The following PCDHGA9 variants were observed in gnomAD, a reference collection of about 807,000 sequenced individuals.
PCDHGA9 encodes the protein protocadherin gamma subfamily A, 9, also known as protocadherin gamma-A9.
PCDHGA9 carries 37 observed loss-of-function variants against 62.5 expected under a neutral mutation model. That is an observed-to-expected ratio of 0.59 (90% confidence interval 0.46 to 0.78). The LOEUF (loss-of-function observed/expected upper bound fraction) is 0.78. Among genes scored for constraint, PCDHGA9 ranks in the 30% least tolerant of loss-of-function variants. The pLI is 0.00. For missense variants in PCDHGA9, 1,138 were observed against 1,166.2 expected, an observed-to-expected ratio of 0.98 and a Z score of 0.35; for synonymous variants, 459 against 484.6, an observed-to-expected ratio of 0.95 and a Z score of 0.69.
At position 141,477,418 on chromosome 5, in the gene PCDHGA9, C is replaced by G. The variant is rs759728291; in HGVS notation, c.2425-17389C>G. ...GCATCACCGCCCGAGACGCCGGAAC[C>G]CCTTCCCTCTCAGCCCTTACAATAG... On this transcript the variant is annotated intron_variant, in intron 1 of 3. Transcript: ENST00000573521. This position sits in a 1 kb window ranked among gnomAD's most constrained non-coding sequence, Gnocchi z 4.9. 2 of 1,614,166 alleles carry G rather than the reference C, an allele frequency of 1.2e-6. No homozygotes were observed. Among genetic ancestry groups the G allele is most frequent in the Non-Finnish European group, 1.7e-6 (2 of 1,180,030 alleles).
chr5:141,468,952 G>GA (rs2099186671), intron 1 of PCDHGA9, among the ~76,000 whole-genome samples: 1 of 151,198 alleles, frequency 6.6e-6, no homozygotes. Context: ...TAAACCTGTG[G>GA]TTTTTTTTAC....
chr5:141,420,438 GC>G, intron 1 of PCDHGA9: 1 of 1,107,996 alleles, frequency 9.0e-7, no homozygotes, highest in Non-Finnish European at 1.2e-6. Flanking sequence ...TAAATTAAAT[GC>G]CTCAGTCTTC....
In PCDHGA9 at chr5:141,486,913, G is replaced by A. The variant is rs2099636995; in HGVS notation, c.2425-7894G>A. ...CTGGTTCCTTATGTCCCCAAGCACT[G>A]CCTCCATCAGTTGGTGCTGGCCACC... On this transcript the variant is annotated intron_variant, in intron 1 of 3. Transcript: ENST00000573521. The surrounding 1 kb of genome is among the most constrained non-coding windows in gnomAD (Gnocchi z 5.0). The A allele has an allele frequency of 1.9e-6, 3 of 1,614,092 alleles. No individual in the cohort carries two copies. The highest frequency in any genetic ancestry group is 1.3e-5 in the African/African-American group (1 of 74,938).
chr5:141,431,364 G>A lies in PCDHGA9; in HGVS notation c.2424+25988G>A. 1 of 1,614,010 alleles carries A rather than the reference G, an allele frequency of 6.2e-7. No homozygotes were observed. The highest frequency in any genetic ancestry group is 8.5e-7 in the Non-Finnish European group (1 of 1,180,022). On this transcript the variant is annotated intron_variant, in intron 1 of 3. Coordinates refer to ENST00000573521, the MANE Select transcript of PCDHGA9 (RefSeq NM_018921.3). This position sits in a 1 kb window ranked among gnomAD's most constrained non-coding sequence, Gnocchi z 4.8. ...TTGGTGCTGAAACGCGCCCTGGACCGCGAAGAAAAGGCTGCTCACCACCTG... is the reference window on the plus strand; with the variant it reads ...TTGGTGCTGAAACGCGCCCTGGACCACGAAGAAAAGGCTGCTCACCACCTG...
chr5:141,427,960 G>A, intron 1 of PCDHGA9: 2 of 1,589,168 alleles, frequency 1.3e-6, no homozygotes, highest in East Asian at 2.2e-5. Context: ...AATGTGCCGC[G>A]GGTGCTGTAC....
chr5:141,411,752 C>T (rs2095512204), intron 1 of PCDHGA9: 1 of 152,734 alleles, frequency 6.5e-6, no homozygotes. Context: ...TGTGGTGGCA[C>T]ATGCCTGTGG....
intron 1 of PCDHGA9, chr5:141,414,983 G>C: frequency 6.2e-7 from 1 of 1,613,716 alleles, no homozygotes; most frequent in Non-Finnish European, 8.5e-7. Context: ...AGAGACTCCG[G>C]CCAGAACGCC....
intron 1 of PCDHGA9, chr5:141,409,494 C>G (rs755680835): frequency 6.2e-7 from 1 of 1,614,028 alleles, no homozygotes; most frequent in Non-Finnish European, 8.5e-7. Flanking sequence ...GGCAAGCCGC[C>G]TCTTTCTTCC....
rs936750924 is a variant in PCDHGA9, at chr5:141,418,950, T to A, written c.2424+13574T>A. On this transcript the variant is annotated intron_variant, in intron 1 of 3. Transcript: ENST00000573521. ...ATTATGGAGGATTCCCCTCCAGGAG[T>A]GGTTGTTGCCCTCTTCAAAACACGG... 23 of 1,613,742 alleles carry A rather than the reference T, an allele frequency of 1.4e-5. No individual in the cohort carries two copies. Among genetic ancestry groups the A allele is most frequent in the Non-Finnish European group, 1.9e-5 (23 of 1,179,860 alleles).
At chr5:141,480,085 A>G (rs2099512286) in intron 1 of PCDHGA9, among the ~76,000 whole-genome samples, 1 of 152,216 alleles carries the variant, frequency 6.6e-6, no homozygotes, top group Admixed American at 6.5e-5. Context: ...TGCATGATAT[A>G]ATGTATGCAA....
chr5:141,508,901 C>T (rs1466455227), intron 3 of PCDHGA9, among the ~76,000 whole-genome samples: 1 of 151,946 alleles, frequency 6.6e-6, no homozygotes, highest in South Asian at 2.1e-4. Flanking sequence ...GGGGGCGGGG[C>T]GGTGGCGGAT....
chr5:141,422,286 T>C, intron 1 of PCDHGA9: 2 of 1,554,938 alleles, frequency 1.3e-6, no homozygotes, highest in Non-Finnish European at 1.7e-6. Flanking sequence ...TCACCTCTTC[T>C]ATTAATTCAA....
intron 1 of PCDHGA9, chr5:141,423,852 GT>G (rs971165220): frequency 2.5e-5 from 32 of 1,279,282 alleles, no homozygotes; most frequent in Non-Finnish European, 3.0e-5. Context: ...CTTTCAGAAC[GT>G]TTTTGTGAAA....
At chr5:141,412,479 T>G (rs1282087411) in intron 1 of PCDHGA9, 1 of 152,180 alleles carries the variant, frequency 6.6e-6, no homozygotes, top group African/African-American at 2.4e-5. Context: ...TTTAAAAACC[T>G]CTTACACAAT....
intron 1 of PCDHGA9, chr5:141,419,377 C>T: frequency 6.2e-6 from 10 of 1,613,690 alleles, no homozygotes; most frequent in Admixed American, 3.3e-5. Flanking sequence ...CCTACGTGTC[C>T]GTGAGCGCGC....
At position 141,474,199 on chromosome 5, in the gene PCDHGA9, G is replaced by C. The variant is rs74540928; in HGVS notation, c.2425-20608G>C. Reference sequence around the variant, plus strand: ...AAAACTACTTACATTTTTAAAAGCTGATTTTCAAAAACCAGATTGTGAATT... The same window carrying C: ...AAAACTACTTACATTTTTAAAAGCTCATTTTCAAAAACCAGATTGTGAATT... On this transcript the variant is annotated intron_variant, in intron 1 of 3. Transcript: ENST00000573521. Among the ~76,000 whole-genome samples, 85 of 152,308 alleles carry C rather than the reference G, an allele frequency of 5.6e-4. 1 individual carries two copies. In the East Asian group the frequency reaches 0.016, roughly 29 times the overall value.
chr5:141,460,346 ATTTTC>A (rs1049715417), intron 1 of PCDHGA9, among the ~76,000 whole-genome samples: 6 of 151,964 alleles, frequency 3.9e-5, no homozygotes, highest in Non-Finnish European at 8.8e-5. Flanking sequence ...TTTCTCCTAT[ATTTTC>A]TTTTAGAAGT....
rs1471215172 is a variant in PCDHGA9 at position 141,511,840 on chromosome 5, TCTG to T, written c.*668_*670del. 1 of 156,722 alleles carries T rather than the reference TCTG, an allele frequency of 6.4e-6. No homozygotes were observed. Among genetic ancestry groups the T allele is most frequent in the African/African-American group, 2.4e-5 (1 of 41,448 alleles). The allele number at this position is 156,722 out of a possible 1,614,324, so 9.7% of individuals were successfully genotyped here. A position where few individuals can be genotyped will look rare whatever the true frequency, so the allele number is the denominator to read the frequency against. On this transcript the variant is annotated 3_prime_UTR_variant, in exon 4 of 4. Coordinates refer to ENST00000573521, the MANE Select transcript of PCDHGA9 (RefSeq NM_018921.3). ...TTCCCAACGCCCTGGGGACCAGTCTTCTGTTTTGTTTTTCATTGTTTGACGTTT... is the reference window on the plus strand; with the variant it reads ...TTCCCAACGCCCTGGGGACCAGTCTTTTTTGTTTTTCATTGTTTGACGTTT...
Position 141,403,276 on chromosome 5 carries a change from C to G in PCDHGA9, c.324C>G (p.Val108=). Reference sequence around the variant, plus strand: ...CGCGGTGTCTGGTGAACTTTAAAGTCCTGGTTGAAGACAGAGTGAAACTGT... The same window carrying G: ...CGCGGTGTCTGGTGAACTTTAAAGTGCTGGTTGAAGACAGAGTGAAACTGT... The part of the protein sequence containing the change: ...QSPRCLVNFK[V]LVEDRVKLYG... Residue 108 remains valine, a synonymous_variant, in exon 1 of 4, where the codon GTC becomes GTG. Coordinates refer to ENST00000573521, the MANE Select transcript of PCDHGA9 (RefSeq NM_018921.3). 7 of 1,613,844 alleles carry G rather than the reference C, an allele frequency of 4.3e-6. No individual in the cohort carries two copies. The highest frequency in any genetic ancestry group is 5.1e-6 in the Non-Finnish European group (6 of 1,179,898).
Sources: allele counts gnomAD v4.1 joint callset (sites outside exome capture counted in the v4.1 genomes callset), GRCh38; gene constraint gnomAD v4.1.1; non-coding constraint Gnocchi (gnomAD v3.1); transcripts MANE v1.5; gene names NCBI Gene and HGNC (gene_info 2026-07-23, HGNC 2026-07-21).